The following AOPEP variants were observed in gnomAD, a reference collection of about 807,000 sequenced individuals.
AOPEP encodes aminopeptidase O.
In AOPEP, 77 loss-of-function variants were observed where a neutral mutation model predicts 98.1. The ratio of observed to expected loss-of-function variants is 0.78; its 90% CI spans 0.65 to 0.95. AOPEP has a LOEUF of 0.95. AOPEP is among the 40% of genes least tolerant of loss of function. AOPEP has a pLI of 0.00. For synonymous variants in AOPEP, 346 were observed against 365.3 expected, an observed-to-expected ratio of 0.95 and a Z score of 0.60; for missense variants, 1,024 against 1,024.7, an observed-to-expected ratio of 1.00 and a Z score of 0.01.
At chr9:94,943,787 G>A (rs1250111674) in intron 7 of AOPEP, among the ~76,000 whole-genome samples, 11 of 142,658 alleles carry the variant, frequency 7.7e-5, no homozygotes, top group African/African-American at 2.6e-4. Flanking sequence ...GGGTGTGGTG[G>A]CACGCACCTG....
At chr9:94,747,875 T>C (rs1341528289) in intron 1 of AOPEP, among the ~76,000 whole-genome samples, 1 of 152,198 alleles carries the variant, frequency 6.6e-6, no homozygotes, top group Non-Finnish European at 1.5e-5. Context: ...GAATTTCTCC[T>C]GAAGGAGGAA....
chr9:95,014,517 A>G (rs997895380), intron 13 of AOPEP, among the ~76,000 whole-genome samples: 1 of 152,008 alleles, frequency 6.6e-6, no homozygotes, highest in Non-Finnish European at 1.5e-5. Context: ...TCATTTTATG[A>G]GTGTATGGAC....
chr9:94,855,744 C>T lies in AOPEP; in HGVS notation c.1364+54742C>T, dbSNP rs189736150. The stretch of plus-strand genomic sequence containing the variant: ...GTGGGGCATCTTGTTTTTAATTTGC[C>T]TAGAACTGGTGGTTCGCATGTGGGT... On this transcript the variant is annotated intron_variant, in intron 5 of 16. Transcript: ENST00000375315. Among the ~76,000 whole-genome samples, 211 of 152,124 alleles carry T rather than the reference C, an allele frequency of 1.4e-3. 1 individual carries two copies. The highest frequency in any genetic ancestry group is 4.6e-3 in the African/African-American group (192 of 41,510).
downstream of AOPEP, among the ~76,000 whole-genome samples, chr9:95,088,400 GGTTTCACCAC>G (rs2070816852): frequency 1.3e-5 from 2 of 152,062 alleles, no homozygotes; most frequent in African/African-American, 4.8e-5. Flanking sequence ...GTGGAGATGG[GGTTTCACCAC>G]GTTGGTCAGG....
chr9:94,739,518 G>A (rs1302167394), intron 1 of AOPEP, among the ~76,000 whole-genome samples: 2 of 152,008 alleles, frequency 1.3e-5, no homozygotes, highest in South Asian at 2.1e-4. Flanking sequence ...GGTGGCAGGC[G>A]CCTGTAATCC....
At position 94,838,125 on chromosome 9, in the gene AOPEP, C is replaced by T. The variant is rs535233562; in HGVS notation, c.1364+37123C>T. On this transcript the variant is annotated intron_variant, in intron 5 of 16. Transcript: ENST00000375315. ...CTGGGTTCACGCCATTCTCCTGCCT[C>T]AGCCTCCCGAGTAGCTGGGACTACA... 3.1e-3 allele frequency among the ~76,000 whole-genome samples: 465 copies of T among 152,234 alleles called. 4 individuals are homozygous for T. The highest frequency in any genetic ancestry group is 8.9e-3 in the Admixed American group (136 of 15,290).
At chr9:95,046,274 T>G (rs2065860573) in intron 13 of AOPEP, among the ~76,000 whole-genome samples, 1 of 152,226 alleles carries the variant, frequency 6.6e-6, no homozygotes, top group African/African-American at 2.4e-5. Flanking sequence ...AAAGCAGAAT[T>G]GCAAATTTGA....
At chr9:95,093,329 T>G in the AOPEP span, among the ~76,000 whole-genome samples, 1 of 152,188 alleles carries the variant, frequency 6.6e-6, no homozygotes, top group Admixed American at 6.5e-5. Context: ...GTAAGTAGAC[T>G]TTTTCTAGAA....
intron 13 of AOPEP, chr9:95,021,987 A>G (rs1035782169): frequency 6.6e-6 from 1 of 152,266 alleles, no homozygotes; most frequent in African/African-American, 2.4e-5. Flanking sequence ...AAGGTCATAG[A>G]AGAGAAGAAA....
rs1017763092 is a variant in AOPEP at position 94,865,324 on chromosome 9, G to A, written c.1365-58662G>A. Among the ~76,000 whole-genome samples the A allele has an allele frequency of 5.3e-5, 8 of 152,266 alleles. No homozygotes were observed. In the South Asian group the frequency reaches 8.3e-4, roughly 16 times the overall value. On this transcript the variant is annotated intron_variant, in intron 5 of 16. Transcript: ENST00000375315. ...TTTGTGTGTCTTTGTTAAGAGCATC[G>A]CAGCTTGTTTTAATTCTTTTTTTAC...
chr9:94,863,511 A>G (rs866800322), intron 5 of AOPEP, among the ~76,000 whole-genome samples: 39 of 150,674 alleles, frequency 2.6e-4, no homozygotes, highest in Non-Finnish European at 1.3e-4. Flanking sequence ...CAAACTCCTA[A>G]CCTCAGGTGA....
the AOPEP span, chr9:95,110,691 G>A: frequency 9.5e-7 from 1 of 1,055,474 alleles, no homozygotes; most frequent in South Asian, 4.6e-5. Context: ...AAGAGAAGCA[G>A]GGCTCTATAC....
At chr9:95,136,084 T>C in the AOPEP span, among the ~76,000 whole-genome samples, 2 of 152,216 alleles carry the variant, frequency 1.3e-5, no homozygotes, top group Admixed American at 6.5e-5. Context: ...TGCTTGAAAG[T>C]TGAAAATATT....
intron 13 of AOPEP, among the ~76,000 whole-genome samples, chr9:95,011,051 C>T (rs1480872238): frequency 1.3e-5 from 2 of 151,942 alleles, no homozygotes; most frequent in Admixed American, 6.6e-5. Flanking sequence ...AAAGTCTTAG[C>T]TTTGTTTGCT....
chr9:95,039,527 C>T (rs1017160310), intron 13 of AOPEP, among the ~76,000 whole-genome samples: 1 of 152,170 alleles, frequency 6.6e-6, no homozygotes, highest in African/African-American at 2.4e-5. Flanking sequence ...AAGCTGTGTT[C>T]ACACCACTGC....
At chr9:94,751,075 A>G (rs1291025788) in intron 1 of AOPEP, among the ~76,000 whole-genome samples, 1 of 151,954 alleles carries the variant, frequency 6.6e-6, no homozygotes, top group African/African-American at 2.4e-5. Flanking sequence ...AAAAAAGAAA[A>G]ATTGCAACCT....
Position 95,085,915 on chromosome 9 carries a change from C to CT in AOPEP, c.*5-766dup, listed in dbSNP as rs1164991075. On this transcript the variant is annotated intron_variant, in intron 16 of 16. Coordinates refer to ENST00000375315, the MANE Select transcript of AOPEP (RefSeq NM_001193329.3). ...TGTTGTTCTGGGCGCGGTGAACTCT[C>CT]TCTTGTATTTGCAGTCCAGGCCTTC... is the stretch of plus-strand genomic sequence containing the variant. The CT allele has an allele frequency of 2.4e-6, 3 of 1,245,068 alleles. No homozygotes were observed. In the African/African-American group the frequency reaches 4.6e-5, roughly 19 times the overall value. The allele number at this position is 1,245,068 out of a possible 1,614,324, so 77.1% of individuals were successfully genotyped here.
chr9:94,829,115 C>T (rs1295323263), intron 5 of AOPEP, among the ~76,000 whole-genome samples: 5 of 151,914 alleles, frequency 3.3e-5, no homozygotes, highest in Admixed American at 1.3e-4. Flanking sequence ...GTGATCTGCC[C>T]GCCTTGGCCT....
downstream of AOPEP, among the ~76,000 whole-genome samples, chr9:95,088,989 C>T (rs1276596612): frequency 6.6e-6 from 1 of 152,230 alleles, no homozygotes; most frequent in Non-Finnish European, 1.5e-5. Flanking sequence ...TGGGGCTGCC[C>T]CTGGAGGTGA....
Sources: allele counts gnomAD v4.1 joint callset (sites outside exome capture counted in the v4.1 genomes callset), GRCh38; gene constraint gnomAD v4.1.1; transcripts MANE v1.5; gene names NCBI Gene and HGNC (gene_info 2026-07-23, HGNC 2026-07-21).